The following SLC9A7 variants were observed in gnomAD, a reference collection of about 807,000 sequenced individuals.
SLC9A7 encodes the protein sodium/hydrogen exchanger 7.
Under a neutral mutation model 52.6 loss-of-function variants are expected in SLC9A7, and 19 were observed. The observed-to-expected ratio is 0.36, with a 90% CI of 0.25 to 0.53. The LOEUF (loss-of-function observed/expected upper bound fraction) is 0.53, where lower values mean the gene tolerates loss of function less well. Among genes scored for constraint, SLC9A7 ranks in the 20% least tolerant of loss-of-function variants. The pLI, the probability that SLC9A7 is intolerant of heterozygous loss-of-function variation, is 0.91. For synonymous variants in SLC9A7, 226 were observed against 252.1 expected (o/e 0.90, Z 0.98); for missense variants, 455 against 597.9 (o/e 0.76, Z 2.49).
chrX:46,668,284 C>A (rs753639316), intron 5 of SLC9A7, among the ~76,000 whole-genome samples: 1 of 110,909 alleles, frequency 9.0e-6, no homozygotes, highest in South Asian at 3.8e-4. Flanking sequence ...CCGAGGTGGG[C>A]GGATCACCTG....
chrX:46,657,017 G>A (rs1255410641), intron 7 of SLC9A7, among the ~76,000 whole-genome samples: 4 of 105,879 alleles, frequency 3.8e-5, no homozygotes, highest in Non-Finnish European at 7.8e-5. Flanking sequence ...GACTAACAGC[G>A]GATCTCTCGG....
chrX:46,674,661 G>A (rs1944080869), intron 3 of SLC9A7, among the ~76,000 whole-genome samples: 1 of 111,604 alleles, frequency 9.0e-6, no homozygotes, highest in Non-Finnish European at 1.9e-5. Context: ...CCAGCTCTTC[G>A]ATTCCCACTT....
intron 7 of SLC9A7, among the ~76,000 whole-genome samples, chrX:46,658,926 A>T (rs1275832200): frequency 5.4e-5 from 6 of 111,214 alleles, no homozygotes; most frequent in Non-Finnish European, 9.4e-5. Context: ...ACCAAAAAAG[A>T]GAATTTTAGA....
intron 1 of SLC9A7, among the ~76,000 whole-genome samples, chrX:46,743,359 C>G (rs751317584): frequency 1.0e-3 from 115 of 112,281 alleles, no homozygotes; most frequent in African/African-American, 3.5e-3. Context: ...ATTGCTTTTG[C>G]AAATGTGATT....
chrX:46,612,780 G>T (rs1245926484), intron 16 of SLC9A7, among the ~76,000 whole-genome samples: 1 of 108,581 alleles, frequency 9.2e-6, no homozygotes, highest in Non-Finnish European at 1.9e-5. Flanking sequence ...ACAAAAATTA[G>T]CCCGGTGTGG....
At chrX:46,647,062 G>C in intron 11 of SLC9A7, 1 of 325,563 alleles carries the variant, frequency 3.1e-6, no homozygotes, top group Non-Finnish European at 5.9e-6. Flanking sequence ...GACCACCAGA[G>C]TGCCACTCAT....
At chrX:46,639,165 GA>G (rs1388120738) in intron 12 of SLC9A7, among the ~76,000 whole-genome samples, 3 of 110,881 alleles carry the variant, frequency 2.7e-5, no homozygotes, top group Non-Finnish European at 5.7e-5. Context: ...ACCTGTTCAT[GA>G]AAAAAACTCT....
intron 11 of SLC9A7, chrX:46,647,253 G>A (rs1224901738): frequency 5.4e-6 from 1 of 184,300 alleles, no homozygotes; most frequent in Non-Finnish European, 1.1e-5. Flanking sequence ...TCAGGGCGGT[G>A]TCCTTCCAGC....
intron 16 of SLC9A7, among the ~76,000 whole-genome samples, chrX:46,612,452 T>C (rs1942867682): frequency 9.0e-6 from 1 of 111,607 alleles, no homozygotes; most frequent in Non-Finnish European, 1.9e-5. Flanking sequence ...GTTCTTTTCA[T>C]ACTGTGCTGA....
intron 3 of SLC9A7, among the ~76,000 whole-genome samples, chrX:46,678,848 C>T (rs1055640472): frequency 8.9e-6 from 1 of 111,754 alleles, no homozygotes; most frequent in Non-Finnish European, 1.9e-5. Context: ...TTACATCTTA[C>T]ATAACTATGG....
At chrX:46,676,393 T>C (rs891409110) in intron 3 of SLC9A7, among the ~76,000 whole-genome samples, 2 of 111,864 alleles carry the variant, frequency 1.8e-5, no homozygotes, top group African/African-American at 3.3e-5. Context: ...GTTGTTACTG[T>C]AGTGTGAGAG....
intron 1 of SLC9A7, among the ~76,000 whole-genome samples, chrX:46,746,077 C>A (rs1921747970): frequency 9.0e-6 from 1 of 110,631 alleles, no homozygotes; most frequent in South Asian, 3.8e-4. Context: ...GTAATCCCAG[C>A]ACTTTGGGAG....
chrX:46,741,933 G>A (rs1011276169), intron 1 of SLC9A7, among the ~76,000 whole-genome samples: 2 of 109,697 alleles, frequency 1.8e-5, no homozygotes, highest in Non-Finnish European at 3.8e-5. Flanking sequence ...AAGAACACTC[G>A]AAACTCCAAA....
chrX:46,735,431 G>C (rs1945105685), intron 1 of SLC9A7, among the ~76,000 whole-genome samples: 1 of 111,505 alleles, frequency 9.0e-6, no homozygotes, highest in Non-Finnish European at 1.9e-5. Flanking sequence ...CCATCTTTGT[G>C]CCATTGTTGT....
intron 12 of SLC9A7, among the ~76,000 whole-genome samples, chrX:46,637,521 C>T (rs1045154535): frequency 8.9e-6 from 1 of 111,970 alleles, no homozygotes; most frequent in Non-Finnish European, 1.9e-5. Flanking sequence ...TATTACTACA[C>T]CCTGGAATGT....
intron 1 of SLC9A7, among the ~76,000 whole-genome samples, chrX:46,734,194 G>C (rs1945085658): frequency 9.2e-6 from 1 of 109,099 alleles, no homozygotes; most frequent in Non-Finnish European, 1.9e-5. Flanking sequence ...CATGTCACAA[G>C]GGGGCTAAAT....
rs924315494 is a variant in SLC9A7, at chrX:46,602,850, C to T, written c.*4102G>A. The T allele has an allele frequency of 3.6e-5, 4 of 112,451 alleles. No homozygotes were observed. Among genetic ancestry groups the T allele is most frequent in the Non-Finnish European group, 7.5e-5 (4 of 53,330 alleles). 9.3% of individuals were successfully genotyped at this position (112,451 alleles called of 1,213,427 possible). ...TTCTTCTAGATGTGGAACCACTTGA[C>T]GAATGGATTCACATTCCCAGGACCC... On this transcript the variant is annotated 3_prime_UTR_variant, in exon 17 of 17. Coordinates refer to ENST00000616978, the MANE Select transcript of SLC9A7 (RefSeq NM_001257291.2).
At chrX:46,740,903 C>CAA (rs202063535) in intron 1 of SLC9A7, among the ~76,000 whole-genome samples, 1,856 of 91,767 alleles carry the variant, frequency 0.02, 41 homozygotes, top group African/African-American at 0.069. Flanking sequence ...ATGAAATAAG[C>CAA]AAAAAAAAAA....
At chrX:46,690,525 T>C (rs1209835584) in intron 1 of SLC9A7, among the ~76,000 whole-genome samples, 1 of 112,139 alleles carries the variant, frequency 8.9e-6, no homozygotes, top group Admixed American at 9.5e-5. Flanking sequence ...GTCAGATATA[T>C]GATTTGCAAA....
Sources: allele counts gnomAD v4.1 joint callset (sites outside exome capture counted in the v4.1 genomes callset), GRCh38; gene constraint gnomAD v4.1.1; transcripts MANE v1.5; gene names NCBI Gene and HGNC (gene_info 2026-07-23, HGNC 2026-07-21).